CDT1: variants seen among roughly 807,000 people sequenced by gnomAD.
CDT1 encodes the protein chromatin licensing and DNA replication factor 1.
CDT1 carries 66 observed loss-of-function variants against 49.3 expected under a neutral mutation model. That is an observed-to-expected ratio of 1.34 (90% confidence interval 1.10 to 1.64). The LOEUF is 1.64. Among genes scored for constraint, CDT1 ranks in the 40% most tolerant of loss-of-function variants. The probability of loss-of-function intolerance (pLI) is 0.00; values close to 1 mark genes in which losing one functional copy is unlikely to be tolerated. For missense variants in CDT1, 958 were observed against 807.7 expected (o/e 1.19, Z -2.26); for synonymous variants, 424 against 347.4 (o/e 1.22, Z -2.45).
Position 88,808,099 on chromosome 16 carries a change from T to C in CDT1, c.1478-16T>C. 6.2e-7 allele frequency: 1 copy of C among 1,611,194 alleles called. No individual in the cohort carries two copies. The highest frequency in any genetic ancestry group is 8.5e-7 in the Non-Finnish European group (1 of 1,179,334). ...GGGCCCAGCACCAGCCTCAGTGTCC[T>C]CCTCTCCTCCCCCAGGGGAAATGGA... On this transcript the variant is annotated splice_polypyrimidine_tract_variant and intron_variant, in intron 9 of 9. Coordinates refer to ENST00000301019, the MANE Select transcript of CDT1 (RefSeq NM_030928.4).
In CDT1 at chr16:88,806,092, C is replaced by T; in HGVS notation, c.904C>T (p.Leu302=). 7.5e-6 allele frequency: 12 copies of T among 1,601,962 alleles called. No homozygotes were observed. Among genetic ancestry groups the T allele is most frequent in the Non-Finnish European group, 1.0e-5 (12 of 1,177,848 alleles). ...GCGACGGCAGATCTTCAGCCAGAAG[C>T]TGGTGGAGCATGTCAAGGAGCACCA... ...LQRRQIFSQK[L]VEHVKEHHKA... Residue 302 remains leucine, a synonymous_variant, in exon 6 of 10, where the codon CTG becomes TTG. Coordinates refer to ENST00000301019, the MANE Select transcript of CDT1 (RefSeq NM_030928.4).
chr16:88,804,859 C>G lies in CDT1; in HGVS notation c.449C>G (p.Ser150Cys). The G allele has an allele frequency of 1.2e-6, 2 of 1,608,182 alleles. No homozygotes were observed. Among genetic ancestry groups the G allele is most frequent in the Non-Finnish European group, 1.7e-6 (2 of 1,178,338 alleles). The change falls in exon 3 of 10, where the codon TCC becomes TGC. Residue 150 changes from serine to cysteine, a missense_variant. Physicochemically the swap from Ser to Cys is moderately radical, Grantham distance 112 (BLOSUM62 -1). Coordinates refer to ENST00000301019, the MANE Select transcript of CDT1 (RefSeq NM_030928.4). ...LKASAQDAGE[S>C]CTPEAEGRPE... The stretch of plus-strand genomic sequence containing the variant: ...GCCAGTGCCCAGGATGCTGGGGAGT[C>G]CTGCACCCCAGAGGCCGAGGGCCGC...
chr16:88,807,044 C>T lies in CDT1; in HGVS notation c.1123-7C>T, dbSNP rs780357856. The T allele has an allele frequency of 1.8e-5, 29 of 1,612,842 alleles. No individual in the cohort carries two copies. The highest frequency in any genetic ancestry group is 3.3e-4 in the Middle Eastern group (2 of 6,060). ...GACCTCTCCAGTCCAACCTGTCCCT[C>T]CCGCAGATGGAGAAGGCCTTGAGTC... is the stretch of plus-strand genomic sequence containing the variant. On this transcript the variant is annotated splice_region_variant and splice_polypyrimidine_tract_variant and intron_variant, in intron 7 of 9. Transcript: ENST00000301019.
Position 88,807,494 on chromosome 16 carries a change from GC to G in CDT1, c.1477+13del. On this transcript the variant is annotated intron_variant, in intron 9 of 9. Coordinates refer to ENST00000301019, the MANE Select transcript of CDT1 (RefSeq NM_030928.4). ...TATCATGAGCCCTGGTACGTGCAGG[GC>G]GGGGTGAAGGGGCGTGCAGGGTGGA... The G allele has an allele frequency of 6.2e-7, 1 of 1,611,428 alleles. No individual in the cohort carries two copies. The highest frequency in any genetic ancestry group is 1.3e-5 in the African/African-American group (1 of 75,022).
At chr16:88,806,336 T>C in intron 6 of CDT1, 150 bp from the exon 7 acceptor site, 1 of 1,091,046 alleles carries the variant, frequency 9.2e-7, no homozygotes, top group Non-Finnish European at 1.3e-6. Flanking sequence ...ATGGGAGGCC[T>C]TGTGCTCTCC....
In CDT1 at chr16:88,805,589, C is replaced by T. The variant is rs146872515; in HGVS notation, c.638C>T (p.Thr213Met). ...GGCATGCTCCACAACCGCTCCGAGA[C>T]GCCCACCTTTGCCAAGGTCCAGCGG... Reference protein sequence around the residue: ...IVGMLHNRSETPTFAKVQRGV... With the variant: ...IVGMLHNRSEMPTFAKVQRGV... Residue 213 changes from threonine to methionine, a missense_variant, in exon 4 of 10, where the codon ACG becomes ATG. Thr to Met is a moderately conservative substitution (Grantham distance 81). Coordinates refer to ENST00000301019, the MANE Select transcript of CDT1 (RefSeq NM_030928.4). 15 of 1,612,734 alleles carry T rather than the reference C, an allele frequency of 9.3e-6. No homozygotes were observed. The highest frequency in any genetic ancestry group is 1.6e-4 in the Middle Eastern group (1 of 6,084).
chr16:88,808,054 G>T (rs778385723), intron 9 of CDT1, 61 bp from the exon 10 acceptor site: 3 of 1,578,898 alleles, frequency 1.9e-6, no homozygotes, highest in Non-Finnish European at 1.7e-6. Context: ...CTGGTTTCAA[G>T]TGCTGCCCGT....
intron 9 of CDT1, among the ~76,000 whole-genome samples, chr16:88,807,716 C>T (rs999615401): frequency 6.6e-6 from 1 of 152,212 alleles, no homozygotes; most frequent in Non-Finnish European, 1.5e-5. Context: ...TTCCCCCTCA[C>T]AGCTCTGGCC....
chr16:88,804,573 C>T lies in CDT1; in HGVS notation c.257C>T (p.Pro86Leu), dbSNP rs1406633426. The T allele has an allele frequency of 1.9e-6, 3 of 1,612,922 alleles. No homozygotes were observed. The highest frequency in any genetic ancestry group is 8.5e-7 in the Non-Finnish European group (1 of 1,179,884). ...EVSSPSTPEA[P>L]DIPACPSPGQ... ...TCCAGCCCCAGTACCCCCGAGGCCC[C>T]AGACATCCCAGCCTGCCCTTCTCCG... Residue 86 changes from proline (P) to leucine (L), a missense_variant, in exon 2 of 10, where the codon CCA (proline) becomes CTA (leucine). Pro to Leu is a moderately conservative substitution (Grantham distance 98). Coordinates refer to ENST00000301019, the MANE Select transcript of CDT1 (RefSeq NM_030928.4).
intron 2 of CDT1, 37 bp from the exon 3 acceptor site, chr16:88,804,725 C>T (rs754667817): frequency 6.2e-7 from 1 of 1,612,728 alleles, no homozygotes; most frequent in Non-Finnish European, 8.5e-7. Context: ...GCCTGCCTGC[C>T]TGCCTGACGG....
intron 7 of CDT1, 68 bp from the exon 8 acceptor site, chr16:88,806,983 T>C: frequency 6.3e-7 from 1 of 1,596,982 alleles, no homozygotes; most frequent in Non-Finnish European, 8.6e-7. Context: ...TACCGGGGAC[T>C]CCTGGGCAGA....
At chr16:88,808,003 C>T (rs1420037812) in intron 9 of CDT1, 112 bp from the exon 10 acceptor site, 1 of 1,225,400 alleles carries the variant, frequency 8.2e-7, no homozygotes, top group Admixed American at 2.0e-5. Flanking sequence ...GTGATGGGGC[C>T]CTGAGGGCGA....
rs1319813016 is a variant in CDT1, at chr16:88,804,861, T to G, written c.451T>G (p.Cys151Gly). The change falls in exon 3 of 10, where the codon TGC becomes GGC. Residue 151 changes from cysteine (C) to glycine (G), a missense_variant. Physicochemically the swap from Cys to Gly is radical, Grantham distance 159. Coordinates refer to ENST00000301019, the MANE Select transcript of CDT1 (RefSeq NM_030928.4). ...CAGTGCCCAGGATGCTGGGGAGTCC[T>G]GCACCCCAGAGGCCGAGGGCCGCCC... is the stretch of plus-strand genomic sequence containing the variant. ...KASAQDAGES[C>G]TPEAEGRPEE... 6.2e-7 allele frequency: 1 copy of G among 1,607,166 alleles called. No homozygotes were observed. The highest frequency in any genetic ancestry group is 1.3e-5 in the African/African-American group (1 of 74,900).
chr16:88,806,703 T>C, intron 7 of CDT1, 29 bp downstream of exon 7: 1 of 1,566,086 alleles, frequency 6.4e-7, no homozygotes, highest in Non-Finnish European at 8.7e-7. Flanking sequence ...GGCAGCCCAT[T>C]TCTCCCGGGT....
Position 88,803,954 on chromosome 16 carries a change from C to T in CDT1, c.123C>T (p.Ala41=), listed in dbSNP as rs1293671042. The stretch of plus-strand genomic sequence containing the variant: ...CCAGGCCCGCACTCCGCGCCCCGGC[C>T]TCCGCTACCAGTGGCAGCCGCAAGC... The part of the protein sequence containing the change: ...SPARPALRAP[A]SATSGSRKRA... The change falls in exon 1 of 10, where the codon GCC becomes GCT. Residue 41 remains alanine, a synonymous_variant. Transcript: ENST00000301019. The T allele has an allele frequency of 7.8e-5, 111 of 1,415,290 alleles. No homozygotes were observed. The highest frequency in any genetic ancestry group is 9.9e-5 in the Non-Finnish European group (108 of 1,086,538). The allele number at this position is 1,415,290 out of a possible 1,614,324, so 87.7% of individuals were successfully genotyped here.
chr16:88,804,288 G>A (rs1441325567), intron 1 of CDT1, among the ~76,000 whole-genome samples: 1 of 152,146 alleles, frequency 6.6e-6, no homozygotes, highest in Non-Finnish European at 1.5e-5. Context: ...GGCTTGCACC[G>A]GGATCCGATG....
Position 88,807,222 on chromosome 16 carries a change from T to G in CDT1, c.1275+19T>G, listed in dbSNP as rs1274552652. 3.1e-6 allele frequency: 5 copies of G among 1,611,756 alleles called. No individual in the cohort carries two copies. The highest frequency in any genetic ancestry group is 4.2e-6 in the Non-Finnish European group (5 of 1,179,576). On this transcript the variant is annotated intron_variant, in intron 8 of 9. Coordinates refer to ENST00000301019, the MANE Select transcript of CDT1 (RefSeq NM_030928.4). ...GGAGCGGGTGAGTCGTCCCCAGTGA[T>G]GGCGGGTGGGCGCCTGGTGACCTGC...
In CDT1 at chr16:88,804,194, C is replaced by T. The variant is rs1908757776; in HGVS notation, c.228+135C>T. ...CGGGGGGGACGGGGCGCAGGGAACT[C>T]TGGGACAGGCCGGGGGATCCTGGGG... On this transcript the variant is annotated intron_variant, in intron 1 of 9. Transcript: ENST00000301019. 8.4e-6 allele frequency: 6 copies of T among 711,066 alleles called. No homozygotes were observed. The Admixed American group carries it at 2.3e-4, about 28-fold the overall frequency. 44.0% of individuals were successfully genotyped at this position (711,066 alleles called of 1,614,324 possible).
Position 88,808,459 on chromosome 16 carries a change from C to T in CDT1, c.*181C>T. ...GGGTCTCTGGCTGCGGGCGGTGGGC[C>T]CCTTCATGGGGCTCACCTGGTGGAT... On this transcript the variant is annotated 3_prime_UTR_variant, in exon 10 of 10. Transcript: ENST00000301019. The T allele has an allele frequency of 1.5e-6, 1 of 671,756 alleles. No homozygotes were observed. The highest frequency in any genetic ancestry group is 2.5e-6 in the Non-Finnish European group (1 of 402,884). 41.6% of individuals were successfully genotyped at this position (671,756 alleles called of 1,614,324 possible). A position where few individuals can be genotyped will look rare whatever the true frequency, so the allele number is the denominator to read the frequency against.
Sources: gnomAD v4.1 joint callset for allele counts (sites outside exome capture counted in the v4.1 genomes callset) on GRCh38, gnomAD v4.1.1 for gene constraint, MANE v1.5 for transcripts, NCBI Gene and HGNC (gene_info 2026-07-23, HGNC 2026-07-21) for gene names.